The following VCL variants were observed in gnomAD, a reference collection of about 807,000 sequenced individuals.
VCL encodes epididymis luminal protein 114.
In VCL, 47 loss-of-function variants were observed where a neutral mutation model predicts 125.7. That is an observed-to-expected ratio of 0.37 (90% CI 0.30 to 0.48). The LOEUF is 0.48. Ranked by LOEUF, VCL falls within the 20% of genes least tolerant of loss-of-function variation. The pLI, the probability that VCL is intolerant of heterozygous loss-of-function variation, is 0.99. For missense variants in VCL, 1,069 were observed against 1,455.5 expected (o/e 0.73, Z 4.32); for synonymous variants, 458 against 514.6 (o/e 0.89, Z 1.49).
Position 74,097,323 on chromosome 10 carries a change from C to T in VCL, c.1863C>T (p.Asn621=). The T allele has an allele frequency of 6.2e-7, 1 of 1,613,456 alleles. No individual in the cohort carries two copies. The highest frequency in any genetic ancestry group is 8.5e-7 in the Non-Finnish European group (1 of 1,179,826). ...CCACGGCGCCTCCTGATGCGCCTAA[C>T]AGGGAAGAGGTGGGTATCTGAGGTC... The part of the protein sequence containing the change: ...VAATAPPDAP[N]REEVFDERAA... The change falls in exon 13 of 22, where the codon AAC becomes AAT. Residue 621 remains asparagine (N), a synonymous_variant. Transcript: ENST00000211998. This position sits in a 1 kb window ranked among gnomAD's most constrained non-coding sequence, Gnocchi z 4.1.
rs1336931922 is a variant in VCL, at chr10:74,119,762, T to G, written c.*1593T>G. On this transcript the variant is annotated 3_prime_UTR_variant, in exon 22 of 22. Transcript: ENST00000211998. ...TTCACTATTTCCTTTATAATGAGGA[T>G]GATTATTTTCAAGGCCCTCAGCATA... 6.6e-6 allele frequency: 1 copy of G among 152,620 alleles called. No individual in the cohort carries two copies. Among genetic ancestry groups the G allele is most frequent in the Non-Finnish European group, 1.5e-5 (1 of 68,026 alleles). The allele number at this position is 152,620 out of a possible 1,614,324, so 9.5% of individuals were successfully genotyped here.
At chr10:74,114,426 T>TGTGAGTGTGTGC in intron 20 of VCL, 39 bp downstream of exon 20, 1 of 1,584,022 alleles carries the variant, frequency 6.3e-7, no homozygotes, top group South Asian at 1.1e-5. Flanking sequence ...TGTGTGTGTG[T>TGTGAGTGTGTGC]GTGTGTGTGT....
chr10:74,046,984 A>G (rs569549577), intron 2 of VCL, among the ~76,000 whole-genome samples: 13 of 152,226 alleles, frequency 8.5e-5, no homozygotes, highest in Non-Finnish European at 1.3e-4. Context: ...CTGTGTGGTA[A>G]CTAGGGCATC....
At chr10:74,110,292 AAAAAT>A (rs1840200672) in intron 18 of VCL, among the ~76,000 whole-genome samples, 1 of 152,218 alleles carries the variant, frequency 6.6e-6, no homozygotes, top group Non-Finnish European at 1.5e-5. Context: ...ATGCAGAACA[AAAAAT>A]ATACATGAAT....
chr10:74,101,888 A>G (rs1196501535), intron 14 of VCL, among the ~76,000 whole-genome samples: 1 of 147,086 alleles, frequency 6.8e-6, no homozygotes, highest in Non-Finnish European at 1.5e-5. Flanking sequence ...TTTGAGGGAC[A>G]GAGTTTCGCT....
intron 1 of VCL, among the ~76,000 whole-genome samples, chr10:74,004,946 C>T (rs1840294319): frequency 6.6e-6 from 1 of 152,110 alleles, no homozygotes; most frequent in South Asian, 2.1e-4. Context: ...CTCAGGCCAT[C>T]CACCCTCCTC....
chr10:74,061,325 A>G (rs1841475323), intron 2 of VCL, among the ~76,000 whole-genome samples: 1 of 152,214 alleles, frequency 6.6e-6, no homozygotes, highest in South Asian at 2.1e-4. Flanking sequence ...GTCTTATTGT[A>G]TAAAAAAATG....
At chr10:74,046,482 A>G (rs886291259) in intron 2 of VCL, among the ~76,000 whole-genome samples, 13 of 152,306 alleles carry the variant, frequency 8.5e-5, no homozygotes, top group Admixed American at 3.9e-4. Flanking sequence ...GGCTCAAGCA[A>G]TCCTCCTGCA....
Position 74,090,099 on chromosome 10 carries a change from T to C in VCL, c.1253T>C (p.Ile418Thr), listed in dbSNP as rs147566238. ...GGTGCTTTGGCTGAAGCTCGGAAAA[T>C]AGCAGAATTATGTGATGATCCTAAA... is the stretch of plus-strand genomic sequence containing the variant. ...IRGALAEARK[I>T]AELCDDPKER... The change falls in exon 10 of 22, where the codon ATA becomes ACA. Residue 418 changes from isoleucine (I) to threonine (T), a missense_variant. Around this residue, in one of 6 missense-constraint regions of VCL, gnomAD observed 760 missense variants for 928.9 expected, o/e 0.82. Coordinates refer to ENST00000211998, the MANE Select transcript of VCL (RefSeq NM_014000.3). 2 of 1,614,144 alleles carry C rather than the reference T, an allele frequency of 1.2e-6. No individual in the cohort carries two copies. Among genetic ancestry groups the C allele is most frequent in the African/African-American group, 2.7e-5 (2 of 75,032 alleles).
At chr10:74,075,585 G>A (rs1474413247) in intron 6 of VCL, 5 of 152,814 alleles carry the variant, frequency 3.3e-5, no homozygotes, top group African/African-American at 4.8e-5. Context: ...AAGCTTTCAG[G>A]TCTGGGGGAA....
At chr10:74,110,806 AT>A (rs1259105802) in intron 18 of VCL, among the ~76,000 whole-genome samples, 2 of 152,208 alleles carry the variant, frequency 1.3e-5, no homozygotes, top group Non-Finnish European at 2.9e-5. Flanking sequence ...CATTCTTTGT[AT>A]AAATGGTTTG....
Position 74,009,015 on chromosome 10 carries a change from A to G in VCL, c.168+10640A>G, listed in dbSNP as rs373960503. Among the ~76,000 whole-genome samples the G allele has an allele frequency of 1.3e-4, 19 of 149,480 alleles. 2 individuals are homozygous for G. The highest frequency in any genetic ancestry group is 2.8e-4 in the African/African-American group (11 of 38,906). ...CCTTAAGAGTTAGCTTTTGGGGGGG[A>G]AAATTCAAGTCTGTAATAAGACTGA... On this transcript the variant is annotated intron_variant, in intron 1 of 21. Transcript: ENST00000211998.
chr10:74,056,319 A>C lies in VCL; in HGVS notation c.239+13166A>C, dbSNP rs113338587. 4.1e-4 allele frequency among the ~76,000 whole-genome samples: 63 copies of C among 152,036 alleles called. 1 individual carries two copies. Among genetic ancestry groups the C allele is most frequent in the African/African-American group, 1.2e-3 (48 of 41,478 alleles). On this transcript the variant is annotated intron_variant, in intron 2 of 21. Transcript: ENST00000211998. ...CATTGTGGGTTATTTTTTAAAATTCAGTTTTCCCCTTAGCTTTATTGAGAT... is the reference window on the plus strand; with the variant it reads ...CATTGTGGGTTATTTTTTAAAATTCCGTTTTCCCCTTAGCTTTATTGAGAT...
At chr10:74,095,343 C>A (rs562559458) in intron 11 of VCL, among the ~76,000 whole-genome samples, 1 of 152,098 alleles carries the variant, frequency 6.6e-6, no homozygotes, top group Non-Finnish European at 1.5e-5. Context: ...GTAATCCCAG[C>A]ACTTTGGGAG....
At chr10:74,044,136 T>C (rs937402366) in intron 2 of VCL, among the ~76,000 whole-genome samples, 5 of 152,024 alleles carry the variant, frequency 3.3e-5, no homozygotes, top group Non-Finnish European at 7.4e-5. Flanking sequence ...TTGTTTCATA[T>C]TTTCAGTTAC....
At chr10:74,117,606 C>T (rs1289016877) in intron 21 of VCL, among the ~76,000 whole-genome samples, 7 of 151,024 alleles carry the variant, frequency 4.6e-5, no homozygotes, top group Non-Finnish European at 7.4e-5. Context: ...TGGCCGAGAT[C>T]ACACCACTGC....
chr10:74,053,268 A>G (rs576254374), intron 2 of VCL, among the ~76,000 whole-genome samples: 55 of 152,200 alleles, frequency 3.6e-4, no homozygotes, highest in African/African-American at 1.3e-3. Context: ...TATCTAAATC[A>G]GGTTCTAAAT....
intron 2 of VCL, among the ~76,000 whole-genome samples, chr10:74,051,429 A>G (rs1411803506): frequency 1.3e-5 from 2 of 151,412 alleles, no homozygotes; most frequent in East Asian, 3.9e-4. Flanking sequence ...TAGAGATGGG[A>G]TTTCAGCATG....
chr10:74,009,539 A>G (rs11597368), intron 1 of VCL, among the ~76,000 whole-genome samples: 1,810 of 152,082 alleles, frequency 0.012, 21 homozygotes, highest in African/African-American at 0.028. Flanking sequence ...GATTACAGGC[A>G]TGAGCCACCG....
Sources: gnomAD v4.1 joint callset for allele counts (sites outside exome capture counted in the v4.1 genomes callset) on GRCh38, gnomAD v4.1.1 for gene constraint, gnomAD v4.1.1 regional missense constraint, Gnocchi (gnomAD v3.1) non-coding constraint, MANE v1.5 for transcripts, NCBI Gene and HGNC (gene_info 2026-07-23, HGNC 2026-07-21) for gene names.